Variants in PDE7B observed in about 807,000 individuals in gnomAD.
PDE7B encodes phosphodiesterase 7B, also known as 3',5'-cyclic-AMP phosphodiesterase 7B.
In PDE7B, 29 loss-of-function variants were observed where a neutral mutation model predicts 56.2. The ratio of observed to expected loss-of-function variants is 0.52; its 90% CI spans 0.38 to 0.70. The LOEUF (loss-of-function observed/expected upper bound fraction) is 0.70, where lower values mean the gene tolerates loss of function less well. PDE7B is among the 30% of genes least tolerant of loss of function. PDE7B has a pLI of 0.00. For missense variants in PDE7B, 490 were observed against 565.0 expected, an observed-to-expected ratio of 0.87 and a Z score of 1.35; for synonymous variants, 197 against 196.9, an observed-to-expected ratio of 1.00 and a Z score of 0.00.
rs188253399 is a variant in PDE7B at position 135,883,118 on chromosome 6, C to T, written c.21+31099C>T. ...TACACTCCATTTGGTCAAGTTTTCT[C>T]TTTAAATCTTGTCACTGATCTTGAG... On this transcript the variant is annotated intron_variant, in intron 1 of 12. Transcript: ENST00000308191. 3.9e-5 allele frequency among the ~76,000 whole-genome samples: 6 copies of T among 152,262 alleles called. No homozygotes were observed. The East Asian group carries it at 1.2e-3, about 29-fold the overall frequency.
chr6:136,111,386 C>T (rs931749966), intron 3 of PDE7B, among the ~76,000 whole-genome samples: 13 of 152,180 alleles, frequency 8.5e-5, no homozygotes, highest in Admixed American at 3.3e-4. Flanking sequence ...CTGAACAACA[C>T]GGGTAGGAAT....
chr6:136,158,704 A>G (rs1778653272), intron 8 of PDE7B, among the ~76,000 whole-genome samples: 1 of 152,194 alleles, frequency 6.6e-6, no homozygotes, highest in East Asian at 1.9e-4. Flanking sequence ...CTGCCAACCA[A>G]GTTCAATATG....
chr6:136,179,040 G>A lies in PDE7B; in HGVS notation c.847G>A (p.Asp283Asn). 5.6e-6 allele frequency: 9 copies of A among 1,614,108 alleles called. No homozygotes were observed. The highest frequency in any genetic ancestry group is 7.6e-6 in the Non-Finnish European group (9 of 1,179,936). The part of the protein sequence containing the change: ...QQLGSLILAT[D>N]INRQNEFLTR... Reference sequence around the variant, plus strand: ...GCTGGGCTCCTTGATCTTGGCAACAGACATCAACAGGCAGAATGAATTTTT... The same window carrying A: ...GCTGGGCTCCTTGATCTTGGCAACAAACATCAACAGGCAGAATGAATTTTT... Residue 283 changes from aspartate to asparagine, a missense_variant, in exon 10 of 13, where the codon GAC becomes AAC. Transcript: ENST00000308191.
At position 135,965,620 on chromosome 6, in the gene PDE7B, C is replaced by G. The variant is rs144831002; in HGVS notation, c.82+18096C>G. 9.8e-4 allele frequency among the ~76,000 whole-genome samples: 149 copies of G among 152,192 alleles called. No homozygotes were observed. The East Asian group carries it at 0.026, about 27-fold the overall frequency. On this transcript the variant is annotated intron_variant, in intron 2 of 12. Transcript: ENST00000308191. ...GAGAGAACTTGTGCAGGGAAACTCCCCTTTATAAAACCATCAGATCTTATG... is the reference window on the plus strand; with the variant it reads ...GAGAGAACTTGTGCAGGGAAACTCCGCTTTATAAAACCATCAGATCTTATG...
chr6:136,180,954 G>A (rs1360062954), intron 10 of PDE7B, among the ~76,000 whole-genome samples: 1 of 152,108 alleles, frequency 6.6e-6, no homozygotes, highest in African/African-American at 2.4e-5. Flanking sequence ...GGCTTTCCTT[G>A]GCCTGCCCAC....
intron 2 of PDE7B, among the ~76,000 whole-genome samples, chr6:135,994,416 T>C (rs1294406924): frequency 1.3e-5 from 2 of 152,238 alleles, no homozygotes; most frequent in Non-Finnish European, 2.9e-5. Context: ...CTGAAGCTTC[T>C]ATTTCACCAA....
intron 1 of PDE7B, among the ~76,000 whole-genome samples, chr6:135,897,740 TAAAAC>T (rs1310833410): frequency 3.3e-5 from 5 of 152,236 alleles, no homozygotes; most frequent in South Asian, 4.2e-4. Flanking sequence ...TCCTGACAAA[TAAAAC>T]AAAGTCAGAA....
At chr6:135,858,667 G>T (rs1466530236) in intron 1 of PDE7B, among the ~76,000 whole-genome samples, 1 of 152,034 alleles carries the variant, frequency 6.6e-6, no homozygotes, top group Non-Finnish European at 1.5e-5. Context: ...AAAATGAGGG[G>T]CTTGGTCAAG....
intron 3 of PDE7B, among the ~76,000 whole-genome samples, chr6:136,110,790 T>C (rs1015613417): frequency 1.4e-4 from 21 of 151,920 alleles, no homozygotes; most frequent in Admixed American, 6.6e-4. Context: ...ATAAATAACA[T>C]TTAAAGAGAA....
chr6:136,022,470 T>G (rs148848447), intron 2 of PDE7B, among the ~76,000 whole-genome samples: 13 of 152,304 alleles, frequency 8.5e-5, no homozygotes, highest in Non-Finnish European at 1.3e-4. Context: ...GCCTGATAAA[T>G]ATTTGTCATC....
chr6:136,033,467 A>G (rs551856208), intron 2 of PDE7B, among the ~76,000 whole-genome samples: 35 of 152,316 alleles, frequency 2.3e-4, no homozygotes, highest in East Asian at 1.9e-4. Flanking sequence ...CAGTACCTGA[A>G]AAAGGACCCA....
chr6:136,029,240 G>A (rs1253702109), intron 2 of PDE7B, among the ~76,000 whole-genome samples: 4 of 152,010 alleles, frequency 2.6e-5, no homozygotes, highest in Non-Finnish European at 4.4e-5. Context: ...CGAGAGACTT[G>A]AAAAACACAA....
At chr6:135,984,203 G>A (rs1411973132) in intron 2 of PDE7B, among the ~76,000 whole-genome samples, 2 of 152,208 alleles carry the variant, frequency 1.3e-5, no homozygotes, top group Non-Finnish European at 2.9e-5. Context: ...CTTGAGGTTA[G>A]GAGTGACGCA....
At chr6:136,082,891 A>G (rs867402437) in intron 2 of PDE7B, among the ~76,000 whole-genome samples, 5 of 152,226 alleles carry the variant, frequency 3.3e-5, no homozygotes, top group South Asian at 4.1e-4. Flanking sequence ...TGAGACGAGA[A>G]AAAAATAGTT....
At chr6:136,114,089 C>A (rs1339888638) in intron 3 of PDE7B, among the ~76,000 whole-genome samples, 1 of 152,194 alleles carries the variant, frequency 6.6e-6, no homozygotes, top group Non-Finnish European at 1.5e-5. Flanking sequence ...AGCCCCTGGG[C>A]TTTGCAGTAG....
chr6:136,082,553 T>G (rs1312897169), intron 2 of PDE7B, among the ~76,000 whole-genome samples: 1 of 152,146 alleles, frequency 6.6e-6, no homozygotes, highest in Non-Finnish European at 1.5e-5. Context: ...AAAAGATAAA[T>G]GGGTAAGAAC....
At chr6:136,141,435 GT>G (rs1778324479) in intron 3 of PDE7B, among the ~76,000 whole-genome samples, 1 of 151,992 alleles carries the variant, frequency 6.6e-6, no homozygotes. Flanking sequence ...CTCCTTTTTT[GT>G]TGTGTCTCTG....
At chr6:135,906,827 T>TTTTTTTTTTTTTTTGTTTTTTTTTTTTTG (rs1554265693) in intron 1 of PDE7B, among the ~76,000 whole-genome samples, 3 of 133,544 alleles carry the variant, frequency 2.2e-5, no homozygotes, top group Non-Finnish European at 3.3e-5. Context: ...TTTTTTTTTT[T>TTTTTTTTTTTTTTTGTTTTTTTTTTTTTG]TTTTTTTTTA....
chr6:135,948,044 T>G (rs537457866), intron 2 of PDE7B, among the ~76,000 whole-genome samples: 1 of 152,194 alleles, frequency 6.6e-6, no homozygotes, highest in Non-Finnish European at 1.5e-5. Context: ...TAGGATGATA[T>G]ATCATCAATG....
Sources: allele counts gnomAD v4.1 joint callset (sites outside exome capture counted in the v4.1 genomes callset), GRCh38; gene constraint gnomAD v4.1.1; transcripts MANE v1.5; gene names NCBI Gene and HGNC (gene_info 2026-07-23, HGNC 2026-07-21).